MKI67: variants seen among roughly 807,000 people sequenced by gnomAD.
The protein encoded by MKI67 is proliferation marker protein Ki-67.
In MKI67, 152 loss-of-function variants were observed where a neutral mutation model predicts 233.5. The observed-to-expected ratio is 0.65, with a 90% confidence interval of 0.57 to 0.74. The LOEUF (loss-of-function observed/expected upper bound fraction) is 0.74, where lower values mean the gene tolerates loss of function less well. Among genes scored for constraint, MKI67 ranks in the 30% least tolerant of loss-of-function variants. The pLI is 0.00. For synonymous variants in MKI67, 1,465 were observed against 1,418.5 expected, an observed-to-expected ratio of 1.03 and a Z score of -0.74; for missense variants, 3,940 against 3,885.2, an observed-to-expected ratio of 1.01 and a Z score of -0.37.
In MKI67 at chr10:128,112,064, G is replaced by T. The variant is rs374723857; in HGVS notation, c.1970-19C>A. On this transcript the variant is annotated intron_variant, in intron 9 of 14. Transcript: ENST00000368654. ...TTTGCAACTGTCAAAGGGAAAAGAC[G>T]AAACTTTTCAAAAATTAGCATTCAT... is the stretch of plus-strand genomic sequence containing the variant. The T allele has an allele frequency of 1.2e-6, 2 of 1,606,472 alleles. No homozygotes were observed. The highest frequency in any genetic ancestry group is 1.3e-5 in the African/African-American group (1 of 74,342).
intron 13 of MKI67, 130 bp downstream of exon 13, chr10:128,102,449 A>T: frequency 9.1e-7 from 1 of 1,101,492 alleles, no homozygotes; most frequent in Non-Finnish European, 1.3e-6. Flanking sequence ...GCCTGCAGTT[A>T]TTCAGTGTTA....
rs1220411959 is a variant in MKI67, at chr10:128,112,246, C to T, written c.1856G>A (p.Arg619Lys). The change falls in exon 9 of 15, where the codon AGA becomes AAA. Residue 619 changes from arginine (R) to lysine (K), a missense_variant. Transcript: ENST00000368654. ...SQTEVPKRGG[R>K]KSGNLPSKRV... is the part of the protein sequence containing the mutation. ...CTTTGAAGGCAGGTTGCCACTCTTT[C>T]TCCCTCCTCTCTTAGGAACCTCTGT... 2 of 1,614,234 alleles carry T rather than the reference C, an allele frequency of 1.2e-6. No homozygotes were observed. Among genetic ancestry groups the T allele is most frequent in the East Asian group, 2.2e-5 (1 of 44,880 alleles).
chr10:128,111,782 G>T lies in MKI67; in HGVS notation c.2123C>A (p.Thr708Lys). 6.2e-7 allele frequency: 1 copy of T among 1,613,420 alleles called. No homozygotes were observed. Among genetic ancestry groups the T allele is most frequent in the South Asian group, 1.1e-5 (1 of 90,736 alleles). Residue 708 changes from threonine (T) to lysine (K), a missense_variant, in exon 11 of 15, where the codon ACA becomes AAA. By Grantham distance (78) the Thr-to-Lys change is moderately conservative. Transcript: ENST00000368654. ...GGTACAAGGAGAGTTTGCGTGGCCT[G>T]TACTAAATTGACTGTGAACTTCGCC... is the stretch of plus-strand genomic sequence containing the variant. ...PVGEVHSQFS[T>K]GHANSPCTII...
chr10:128,118,040 G>T (rs117737966), intron 5 of MKI67, among the ~76,000 whole-genome samples: 3 of 152,242 alleles, frequency 2.0e-5, no homozygotes, highest in Non-Finnish European at 4.4e-5. Flanking sequence ...CTTCCAGCAC[G>T]GGAACTGATG....
At chr10:128,113,323 T>C in intron 8 of MKI67, 104 bp downstream of exon 8, 1 of 1,252,566 alleles carries the variant, frequency 8.0e-7, no homozygotes, top group East Asian at 2.3e-5. Context: ...AATAAATAAA[T>C]AAAGGTCTTC....
In MKI67 at chr10:128,104,677, T is replaced by C. The variant is rs1244340407; in HGVS notation, c.7163A>G (p.Asp2388Gly). 11 of 1,613,966 alleles carry C rather than the reference T, an allele frequency of 6.8e-6. No homozygotes were observed. Among genetic ancestry groups the C allele is most frequent in the South Asian group, 3.3e-5 (3 of 91,078 alleles). Residue 2388 changes from aspartate to glycine, a missense_variant, in exon 13 of 15, where the codon GAC (aspartate) becomes GGC (glycine). Transcript: ENST00000368654. ...KRTPSAGKAM[D>G]TPKPAVSDEK... is the part of the protein sequence containing the mutation. ...ATCACTTACTGCTGGTTTTGGTGTGTCCATGGCTTTGCCTGCTGATGGTGT... is the reference window on the plus strand; with the variant it reads ...ATCACTTACTGCTGGTTTTGGTGTGCCCATGGCTTTGCCTGCTGATGGTGT...
intron 2 of MKI67, among the ~76,000 whole-genome samples, chr10:128,124,410 G>A (rs1388958840): frequency 1.3e-5 from 2 of 152,164 alleles, no homozygotes; most frequent in East Asian, 3.9e-4. Context: ...TGCCCACCCT[G>A]ACCTCTCCTC....
Position 128,115,725 on chromosome 10 carries a change from T to TCAAGA in MKI67, c.678_682dup (p.Asp228ValfsTer19). On this transcript the variant is annotated frameshift_variant, in exon 7 of 15. Coordinates refer to ENST00000368654, the MANE Select transcript of MKI67 (RefSeq NM_002417.5). LOFTEE classifies it high-confidence loss of function. ...GGGAGATTCATTTTTTTTGCTATTG[T>TCAAGA]CAAGACATTGTGTAGTGGGAACAGA... 1.2e-6 allele frequency: 2 copies of TCAAGA among 1,613,846 alleles called. No homozygotes were observed. Among genetic ancestry groups the TCAAGA allele is most frequent in the Non-Finnish European group, 8.5e-7 (1 of 1,180,032 alleles).
chr10:128,106,076 C>G lies in MKI67; in HGVS notation c.5764G>C (p.Gly1922Arg), dbSNP rs767777211. ...GEEKDINTFV[G>R]TPVEKLDLLG... is the part of the protein sequence containing the mutation. Reference sequence around the variant, plus strand: ...AGGTCCAGTTTCTCCACTGGAGTCCCCACAAATGTGTTGATGTCTTTCTCT... The same window carrying G: ...AGGTCCAGTTTCTCCACTGGAGTCCGCACAAATGTGTTGATGTCTTTCTCT... Residue 1922 changes from glycine (G) to arginine (R), a missense_variant, in exon 13 of 15, where the codon GGG (glycine) becomes CGG (arginine). Transcript: ENST00000368654. The G allele has an allele frequency of 4.6e-5, 75 of 1,613,756 alleles. No homozygotes were observed. Among genetic ancestry groups the G allele is most frequent in the Non-Finnish European group, 6.1e-5 (72 of 1,180,004 alleles).
Position 128,103,684 on chromosome 10 carries a change from C to T in MKI67, c.8156G>A (p.Ser2719Asn), listed in dbSNP as rs1852400336. Reference protein sequence around the residue: ...PPLEVVDTTASTKRHLRTRVQ... With the variant: ...PPLEVVDTTANTKRHLRTRVQ... ...ACGTGTCCTGAGATGCCTCTTTGTG[C>T]TTGCTGTGGTGTCTACCACTTCTAG... Residue 2719 changes from serine to asparagine, a missense_variant, in exon 13 of 15, where the codon AGC becomes AAC. Ser to Asn is a conservative substitution (Grantham distance 46, BLOSUM62 1). Coordinates refer to ENST00000368654, the MANE Select transcript of MKI67 (RefSeq NM_002417.5). 1 of 1,614,090 alleles carries T rather than the reference C, an allele frequency of 6.2e-7. No homozygotes were observed. The highest frequency in any genetic ancestry group is 1.3e-5 in the African/African-American group (1 of 74,992).
chr10:128,107,915 T>A lies in MKI67; in HGVS notation c.3925A>T (p.Ile1309Phe), dbSNP rs748411940. Residue 1309 changes from isoleucine to phenylalanine, a missense_variant, in exon 13 of 15, where the codon ATC becomes TTC. By Grantham distance (21) the Ile-to-Phe change is conservative. Transcript: ENST00000368654. ...PKPSVGEEKD[I>F]IIFVGTPVQK... ...ACTGGAGTTCCCACAAATATGATGATGTCTTTCTCTTCACCTACTGATGGT... is the reference window on the plus strand; with the variant it reads ...ACTGGAGTTCCCACAAATATGATGAAGTCTTTCTCTTCACCTACTGATGGT... The A allele has an allele frequency of 2.5e-6, 4 of 1,613,388 alleles. No individual in the cohort carries two copies. The highest frequency in any genetic ancestry group is 1.3e-5 in the African/African-American group (1 of 74,654).
intron 14 of MKI67, among the ~76,000 whole-genome samples, chr10:128,100,137 G>A (rs540311231): frequency 9.2e-5 from 14 of 152,232 alleles, no homozygotes; most frequent in Non-Finnish European, 1.3e-4. Flanking sequence ...ACCTTGTCTG[G>A]CACTGTCGGG....
intron 8 of MKI67, among the ~76,000 whole-genome samples, 192 bp downstream of exon 8, chr10:128,113,235 G>A (rs542031600): frequency 1.3e-5 from 2 of 152,204 alleles, no homozygotes; most frequent in Non-Finnish European, 2.9e-5. Context: ...TCAGCACCAC[G>A]GTCAGGGACC....
intron 7 of MKI67, 68 bp from the exon 8 acceptor site, chr10:128,113,670 C>A: frequency 7.0e-7 from 1 of 1,435,328 alleles, no homozygotes; most frequent in Non-Finnish European, 9.7e-7. Context: ...ATTTATTTCA[C>A]GTTAGCATTA....
At chr10:128,109,709 C>T (rs1590307371) in intron 12 of MKI67, among the ~76,000 whole-genome samples, 3 of 152,220 alleles carry the variant, frequency 2.0e-5, no homozygotes, top group South Asian at 4.1e-4. Context: ...GTTGCCATGC[C>T]CTGTGTCATT....
At chr10:128,111,867 C>T in intron 10 of MKI67, 51 bp from the exon 11 acceptor site, 2 of 1,607,724 alleles carry the variant, frequency 1.2e-6, no homozygotes, top group Non-Finnish European at 1.7e-6. Flanking sequence ...TAAATCCACA[C>T]TGAATGCAAG....
In MKI67 at chr10:128,104,000, C is replaced by G; in HGVS notation, c.7840G>C (p.Glu2614Gln). ...AGCCTCTCAACTGCTGAGAGCTCCTCTTTTACTTCTTTCCTGGGACGTGTC... is the reference window on the plus strand; with the variant it reads ...AGCCTCTCAACTGCTGAGAGCTCCTGTTTTACTTCTTTCCTGGGACGTGTC... Reference protein sequence around the residue: ...PKTRPRKEVKEELSAVERLTQ... With the variant: ...PKTRPRKEVKQELSAVERLTQ... The change falls in exon 13 of 15, where the codon GAG (glutamate) becomes CAG (glutamine). Residue 2614 changes from glutamate (E) to glutamine (Q), a missense_variant. Glu to Gln is a conservative substitution (Grantham distance 29). Coordinates refer to ENST00000368654, the MANE Select transcript of MKI67 (RefSeq NM_002417.5). The G allele has an allele frequency of 6.2e-7, 1 of 1,614,050 alleles. No individual in the cohort carries two copies. The highest frequency in any genetic ancestry group is 8.5e-7 in the Non-Finnish European group (1 of 1,180,030).
In MKI67 at chr10:128,106,507, G is replaced by A. The variant is rs199829776; in HGVS notation, c.5333C>T (p.Ala1778Val). Reference protein sequence around the residue: ...FLAFRKQTPSAGKAMHTPKPA... With the variant: ...FLAFRKQTPSVGKAMHTPKPA... The stretch of plus-strand genomic sequence containing the variant: ...TTTGGGTGTGTGCATGGCTTTGCCT[G>A]CTGATGGCGTTTGTTTCCTAAATGC... Residue 1778 changes from alanine to valine, a missense_variant, in exon 13 of 15, where the codon GCA becomes GTA. Coordinates refer to ENST00000368654, the MANE Select transcript of MKI67 (RefSeq NM_002417.5). 1 of 1,614,152 alleles carries A rather than the reference G, an allele frequency of 6.2e-7. No individual in the cohort carries two copies. The highest frequency in any genetic ancestry group is 1.7e-5 in the Admixed American group (1 of 60,028).
rs778158290 is a variant in MKI67, at chr10:128,111,912, C to G, written c.2088+15G>C. 1.9e-6 allele frequency: 3 copies of G among 1,606,570 alleles called. No homozygotes were observed. In the East Asian group the frequency reaches 6.7e-5, roughly 36 times the overall value. Reference sequence around the variant, plus strand: ...CACCGGTATGTGTAAAGCAGCCATTCAGTGAGGCCCCTACCTTTGGAGTAG... The same window carrying G: ...CACCGGTATGTGTAAAGCAGCCATTGAGTGAGGCCCCTACCTTTGGAGTAG... On this transcript the variant is annotated intron_variant, in intron 10 of 14. Transcript: ENST00000368654.
Sources: gnomAD v4.1 joint callset for allele counts (sites outside exome capture counted in the v4.1 genomes callset) on GRCh38, gnomAD v4.1.1 for gene constraint, MANE v1.5 for transcripts, NCBI Gene and HGNC (gene_info 2026-07-23, HGNC 2026-07-21) for gene names.